Variants in SH2D4A observed in about 807,000 individuals in gnomAD.
SH2D4A encodes SH2 domain-containing protein 4A.
A neutral mutation model predicts 64.7 loss-of-function variants in SH2D4A; 70 were observed. The observed-to-expected ratio is 1.08, with a 90% CI of 0.89 to 1.32. The LOEUF is 1.32. Ranked by LOEUF, SH2D4A falls within the 40% of genes most tolerant of loss-of-function variation. The pLI, the probability that SH2D4A is intolerant of heterozygous loss-of-function variation, is 0.00. For missense variants in SH2D4A, 706 were observed against 540.1 expected, an observed-to-expected ratio of 1.31 and a Z score of -3.04; for synonymous variants, 268 against 200.7, an observed-to-expected ratio of 1.34 and a Z score of -2.83.
chr8:19,313,803 G>A lies in SH2D4A; in HGVS notation c.-225G>A. On this transcript the variant is annotated 5_prime_UTR_variant, in exon 1 of 10. Coordinates refer to ENST00000265807, the MANE Select transcript of SH2D4A (RefSeq NM_022071.4). ...ATGTGGCGGGTGATCGAGCCACCCT[G>A]CCCAGGGGCGCCCAGCACTGGTAGG... 1 of 1,508,122 alleles carries A rather than the reference G, an allele frequency of 6.6e-7. No homozygotes were observed. The highest frequency in any genetic ancestry group is 1.2e-5 in the South Asian group (1 of 81,996). The allele number at this position is 1,508,122 out of a possible 1,614,324, so 93.4% of individuals were successfully genotyped here.
intron 8 of SH2D4A, among the ~76,000 whole-genome samples, chr8:19,389,240 G>C (rs2053442710): frequency 6.6e-6 from 1 of 152,208 alleles, no homozygotes; most frequent in African/African-American, 2.4e-5. Context: ...TGGTGTTTGA[G>C]TTACTTCTGG....
intron 8 of SH2D4A, among the ~76,000 whole-genome samples, chr8:19,377,743 T>A (rs186183648): frequency 2.6e-5 from 4 of 152,296 alleles, no homozygotes; most frequent in African/African-American, 7.2e-5. Flanking sequence ...TTGCTATAAC[T>A]TTTTTGCTCT....
intron 1 of SH2D4A, among the ~76,000 whole-genome samples, 164 bp from the exon 2 acceptor site, chr8:19,319,180 A>G (rs1426374217): frequency 6.6e-6 from 1 of 151,792 alleles, no homozygotes; most frequent in African/African-American, 2.4e-5. Flanking sequence ...GATAGAGGTT[A>G]TACAAACTCT....
At chr8:19,393,940 T>G (rs181158341) in intron 9 of SH2D4A, among the ~76,000 whole-genome samples, 1 of 152,320 alleles carries the variant, frequency 6.6e-6, no homozygotes, top group East Asian at 1.9e-4. Flanking sequence ...ATTGTGCATT[T>G]TATTATTACA....
At chr8:19,320,204 A>T (rs1054229593) in intron 2 of SH2D4A, among the ~76,000 whole-genome samples, 2 of 152,196 alleles carry the variant, frequency 1.3e-5, no homozygotes, top group East Asian at 3.8e-4. Context: ...AAGGAAAAAA[A>T]TCATAATACT....
rs752541712 is a variant in SH2D4A at position 19,319,679 on chromosome 8, A to T, written c.132A>T (p.Ala44=). The part of the protein sequence containing the change: ...EQIRRWKERE[A]AMERKESLPV... ...TCCGACGATGGAAAGAAAGAGAAGCAGCTATGGAAAGAAAGGAGTCCCTGC... is the reference window on the plus strand; with the variant it reads ...TCCGACGATGGAAAGAAAGAGAAGCTGCTATGGAAAGAAAGGAGTCCCTGC... The change falls in exon 2 of 10, where the codon GCA becomes GCT. Residue 44 remains alanine, a synonymous_variant. Coordinates refer to ENST00000265807, the MANE Select transcript of SH2D4A (RefSeq NM_022071.4). 1 of 1,608,130 alleles carries T rather than the reference A, an allele frequency of 6.2e-7. No homozygotes were observed. The highest frequency in any genetic ancestry group is 8.5e-7 in the Non-Finnish European group (1 of 1,177,954).
chr8:19,319,593 C>G lies in SH2D4A; in HGVS notation c.46C>G (p.Leu16Val). ...LSEMYIDPDLLAELSEEQKQI... is the reference protein window; with the variant it reads ...LSEMYIDPDLVAELSEEQKQI... ...GGAGATGTACATAGATCCTGATCTACTGGCAGAGCTCAGCGAAGAACAGAA... is the reference window on the plus strand; with the variant it reads ...GGAGATGTACATAGATCCTGATCTAGTGGCAGAGCTCAGCGAAGAACAGAA... Residue 16 changes from leucine to valine, a missense_variant, in exon 2 of 10, where the codon CTG (leucine) becomes GTG (valine). By Grantham distance (32) the Leu-to-Val change is conservative. Transcript: ENST00000265807. The G allele has an allele frequency of 6.2e-7, 1 of 1,602,524 alleles. No homozygotes were observed. Among genetic ancestry groups the G allele is most frequent in the South Asian group, 1.1e-5 (1 of 88,490 alleles).
At chr8:19,327,288 T>G (rs757934237) in intron 2 of SH2D4A, among the ~76,000 whole-genome samples, 3 of 152,114 alleles carry the variant, frequency 2.0e-5, no homozygotes, top group African/African-American at 2.4e-5. Context: ...TTAAACGAAG[T>G]GCTATAAAAA....
intron 2 of SH2D4A, among the ~76,000 whole-genome samples, chr8:19,324,140 C>T (rs1055363772): frequency 1.6e-4 from 25 of 152,354 alleles, no homozygotes; most frequent in Admixed American, 1.2e-3. Flanking sequence ...GAATCTGCCA[C>T]AGAGCCTTCT....
chr8:19,328,746 G>A (rs1468418963), intron 2 of SH2D4A, among the ~76,000 whole-genome samples: 1 of 152,190 alleles, frequency 6.6e-6, no homozygotes, highest in Non-Finnish European at 1.5e-5. Context: ...TGGCCACTCA[G>A]ATAAAGAATG....
intron 6 of SH2D4A, chr8:19,363,857 A>G: frequency 1.8e-6 from 1 of 542,932 alleles, no homozygotes; most frequent in South Asian, 2.5e-5. Context: ...CTCTCAGAAA[A>G]CCCCCAGTCC....
intron 6 of SH2D4A, among the ~76,000 whole-genome samples, chr8:19,362,858 G>C (rs2052915344): frequency 6.6e-6 from 1 of 152,104 alleles, no homozygotes; most frequent in Non-Finnish European, 1.5e-5. Context: ...TTTTATAAAT[G>C]TAGTGTAGCC....
intron 1 of SH2D4A, chr8:19,314,056 CCGG>C: frequency 1.3e-5 from 15 of 1,199,204 alleles, no homozygotes; most frequent in Non-Finnish European, 1.4e-5. Context: ...TGTCCGGTGT[CCGG>C]TGTCTGGAGC....
chr8:19,360,139 C>T (rs2052857436), intron 5 of SH2D4A, among the ~76,000 whole-genome samples: 1 of 152,108 alleles, frequency 6.6e-6, no homozygotes, highest in Non-Finnish European at 1.5e-5. Context: ...CTCTTAATGC[C>T]AGAAAACAGT....
intron 1 of SH2D4A, among the ~76,000 whole-genome samples, chr8:19,314,629 C>G (rs2052055468): frequency 6.6e-6 from 1 of 152,186 alleles, no homozygotes; most frequent in Non-Finnish European, 1.5e-5. Flanking sequence ...GCACCTCCCC[C>G]TTTCAAACAG....
chr8:19,392,932 G>C (rs912477092), intron 8 of SH2D4A, among the ~76,000 whole-genome samples: 2 of 151,972 alleles, frequency 1.3e-5, no homozygotes, highest in Non-Finnish European at 1.5e-5. Context: ...TAGTAGACAT[G>C]GGGTTTCACC....
At chr8:19,380,702 T>C (rs1042085939) in intron 8 of SH2D4A, among the ~76,000 whole-genome samples, 2 of 152,234 alleles carry the variant, frequency 1.3e-5, no homozygotes, top group African/African-American at 4.8e-5. Context: ...TTTTTATTTC[T>C]GAGTTTTTTA....
Position 19,364,126 on chromosome 8 carries a change from G to A in SH2D4A, c.761G>A (p.Arg254Gln), listed in dbSNP as rs753072890. The change falls in exon 7 of 10, where the codon CGA (arginine) becomes CAA (glutamine). Residue 254 changes from arginine to glutamine, a missense_variant. Coordinates refer to ENST00000265807, the MANE Select transcript of SH2D4A (RefSeq NM_022071.4). ...AGACGCTCCTTGGCTAAACAAGCACGAGAAGACTACAAGAGGTTATCCCTC... is the reference window on the plus strand; with the variant it reads ...AGACGCTCCTTGGCTAAACAAGCACAAGAAGACTACAAGAGGTTATCCCTC... The part of the protein sequence containing the change: ...EKRRSLAKQA[R>Q]EDYKRLSLGA... 6 of 1,613,980 alleles carry A rather than the reference G, an allele frequency of 3.7e-6. No homozygotes were observed. Among genetic ancestry groups the A allele is most frequent in the South Asian group, 1.1e-5 (1 of 91,084 alleles).
intron 2 of SH2D4A, among the ~76,000 whole-genome samples, chr8:19,326,533 G>A (rs1343320027): frequency 6.6e-6 from 1 of 152,162 alleles, no homozygotes; most frequent in African/African-American, 2.4e-5. Flanking sequence ...CCTCATAGGA[G>A]GCCCTGGTGT....
Sources: gnomAD v4.1 joint callset for allele counts (sites outside exome capture counted in the v4.1 genomes callset) on GRCh38, gnomAD v4.1.1 for gene constraint, MANE v1.5 for transcripts, NCBI Gene and HGNC (gene_info 2026-07-23, HGNC 2026-07-21) for gene names.